ZNF442: variants seen among roughly 807,000 people sequenced by gnomAD.
ZNF442 encodes zinc finger protein 442.
In ZNF442, 45 loss-of-function variants were observed where a neutral mutation model predicts 57.0. The ratio of observed to expected loss-of-function variants is 0.79; its 90% CI spans 0.62 to 1.01. The LOEUF is 1.01. ZNF442 is among the 50% of genes least tolerant of loss of function. The pLI is 0.00. For synonymous variants in ZNF442, 213 were observed against 241.8 expected (o/e 0.88, Z 1.10); for missense variants, 690 against 756.5 (o/e 0.91, Z 1.03).
rs992859692 is a variant in ZNF442 at position 12,347,862 on chromosome 19, T to G, written c.*1839A>C. 8 of 152,192 alleles carry G rather than the reference T, an allele frequency of 5.3e-5. No individual in the cohort carries two copies. The highest frequency in any genetic ancestry group is 5.2e-4 in the Admixed American group (8 of 15,278). 9.4% of individuals were successfully genotyped at this position (152,192 alleles called of 1,614,324 possible). On this transcript the variant is annotated 3_prime_UTR_variant, in exon 6 of 6. Transcript: ENST00000242804. ...TCATCTCTCCTTTCCTTAATCTTTCTATCCCAACACAAATAAGAGAGCATA... is the reference window on the plus strand; with the variant it reads ...TCATCTCTCCTTTCCTTAATCTTTCGATCCCAACACAAATAAGAGAGCATA...
Position 12,350,321 on chromosome 19 carries a change from CT to C in ZNF442, c.1263del (p.Gly422AspfsTer110), listed in dbSNP as rs779170967. 6.2e-7 allele frequency: 1 copy of C among 1,613,488 alleles called. No individual in the cohort carries two copies. Among genetic ancestry groups the C allele is most frequent in the Non-Finnish European group, 8.5e-7 (1 of 1,179,918 alleles). Reference sequence around the variant, plus strand: ...TCACCAGTATGAGTCCTTTCATGTCCTTGAAATACACTGGGATAAATGAAGG... The same window carrying C: ...TCACCAGTATGAGTCCTTTCATGTCCTGAAATACACTGGGATAAATGAAGG... ...GKAFIYPSVF[Q>X]GHERTHTGEK... On this transcript the variant is annotated frameshift_variant, in exon 6 of 6. Coordinates refer to ENST00000242804, the MANE Select transcript of ZNF442 (RefSeq NM_030824.3). LOFTEE classifies it high-confidence loss of function.
rs10419312 is a variant in ZNF442 at position 12,354,329 on chromosome 19, T to C, written c.79-1215A>G. ...GCTTCACCATCCCAATGCAAGAATT[T>C]TAAACTTTTTATTAGGTAATGTCAA... On this transcript the variant is annotated intron_variant, in intron 3 of 5. Transcript: ENST00000242804. Among the ~76,000 whole-genome samples, 1,208 of 152,284 alleles carry C rather than the reference T, an allele frequency of 7.9e-3. 11 individuals carry two copies. Among genetic ancestry groups the C allele is most frequent in the African/African-American group, 0.028 (1,152 of 41,552 alleles).
chr19:12,366,691 C>A (rs150640789), upstream of ZNF442, among the ~76,000 whole-genome samples: 747 of 152,226 alleles, frequency 4.9e-3, 15 homozygotes, highest in African/African-American at 0.017. Context: ...ACTGTAGTGG[C>A]TCAATCTTGG....
chr19:12,356,951 G>A (rs1969341266), intron 3 of ZNF442, among the ~76,000 whole-genome samples: 1 of 152,096 alleles, frequency 6.6e-6, no homozygotes, highest in Non-Finnish European at 1.5e-5. Flanking sequence ...GTCATGAAGT[G>A]TTAGCACTTA....
chr19:12,368,043 G>C (rs998115014), upstream of ZNF442, among the ~76,000 whole-genome samples: 3 of 152,128 alleles, frequency 2.0e-5, no homozygotes, highest in African/African-American at 7.2e-5. Context: ...CCGTCTATAG[G>C]CTCTCTGCAA....
Position 12,365,600 on chromosome 19 carries a change from G to A in ZNF442, c.-550C>T, listed in dbSNP as rs1338595850. ...CCCCGCTGCCAGCATAGGACTCAGC[G>A]TGACAGTGCCTGCCACTGACCTGCC... is the stretch of plus-strand genomic sequence containing the variant. On this transcript the variant is annotated 5_prime_UTR_variant, in exon 1 of 6. The change creates a new upstream start codon in the 5' untranslated region. Transcript: ENST00000242804. 2.9e-6 allele frequency: 1 copy of A among 343,524 alleles called. No homozygotes were observed. Among genetic ancestry groups the A allele is most frequent in the Non-Finnish European group, 5.6e-6 (1 of 178,360 alleles). 21.3% of individuals were successfully genotyped at this position (343,524 alleles called of 1,614,324 possible). A position where few individuals can be genotyped will look rare whatever the true frequency, so the allele number is the denominator to read the frequency against.
At chr19:12,372,786 T>A in the ZNF442 span, among the ~76,000 whole-genome samples, 1 of 152,214 alleles carries the variant, frequency 6.6e-6, no homozygotes, top group African/African-American at 2.4e-5. Context: ...GAGTTTTCTT[T>A]TTTTGGAGAT....
At chr19:12,364,036 TG>T (rs1969487284) in intron 2 of ZNF442, among the ~76,000 whole-genome samples, 1 of 152,010 alleles carries the variant, frequency 6.6e-6, no homozygotes, top group African/African-American at 2.4e-5. Context: ...TTTTTTTGTT[TG>T]TTTTTTTGTT....
In ZNF442 at chr19:12,349,586, T is replaced by G; in HGVS notation, c.*115A>C. The G allele has an allele frequency of 2.7e-6, 3 of 1,116,338 alleles. No homozygotes were observed. In the South Asian group the frequency reaches 5.0e-5, roughly 18 times the overall value. 69.2% of individuals were successfully genotyped at this position (1,116,338 alleles called of 1,614,324 possible). ...TGCATATGGTTAGGGGATAACCATATTCAAAAGAAACATCTTAAGGCTTTA... is the reference window on the plus strand; with the variant it reads ...TGCATATGGTTAGGGGATAACCATAGTCAAAAGAAACATCTTAAGGCTTTA... On this transcript the variant is annotated 3_prime_UTR_variant, in exon 6 of 6. Transcript: ENST00000242804.
chr19:12,362,885 G>GA (rs901065168), intron 3 of ZNF442, among the ~76,000 whole-genome samples: 1,476 of 135,046 alleles, frequency 0.011, 9 homozygotes, highest in African/African-American at 0.025. Flanking sequence ...TCTGCCTTGG[G>GA]AAAAAAAAAA....
At chr19:12,363,744 C>T (rs1969481075) in intron 2 of ZNF442, 73 bp from the exon 3 acceptor site, 7 of 936,672 alleles carry the variant, frequency 7.5e-6, no homozygotes, top group South Asian at 1.4e-5. Flanking sequence ...CAGAATATTC[C>T]TCCCATCCCA....
upstream of ZNF442, among the ~76,000 whole-genome samples, chr19:12,368,976 T>G (rs1184460093): frequency 6.6e-6 from 1 of 152,130 alleles, no homozygotes; most frequent in Non-Finnish European, 1.5e-5. Context: ...ATGAATTAAA[T>G]GCTCCAATCA....
At chr19:12,361,873 C>T (rs1969433785) in intron 3 of ZNF442, among the ~76,000 whole-genome samples, 1 of 152,184 alleles carries the variant, frequency 6.6e-6, no homozygotes, top group South Asian at 2.1e-4. Flanking sequence ...GAGCACGCCA[C>T]CACGCCTGAC....
upstream of ZNF442, among the ~76,000 whole-genome samples, chr19:12,369,162 G>C (rs1969561348): frequency 6.6e-6 from 1 of 152,026 alleles, no homozygotes. Flanking sequence ...GAAGGAGAAG[G>C]GGTCAGAGTC....
Position 12,349,991 on chromosome 19 carries a change from T to C in ZNF442, c.1594A>G (p.Lys532Glu). The change falls in exon 6 of 6, where the codon AAA becomes GAA. Residue 532 changes from lysine to glutamate, a missense_variant. Physicochemically the swap from Lys to Glu is moderately conservative, Grantham distance 56. Coordinates refer to ENST00000242804, the MANE Select transcript of ZNF442 (RefSeq NM_030824.3). Reference sequence around the variant, plus strand: ...CCAGTGTGAATCCTTTCATGGACTTTTAAGTTACCAAAATGACTGAAGGCT... The same window carrying C: ...CCAGTGTGAATCCTTTCATGGACTTCTAAGTTACCAAAATGACTGAAGGCT... ...KKAFSHFGNL[K>E]VHERIHTGEK... The C allele has an allele frequency of 6.2e-7, 1 of 1,614,070 alleles. No individual in the cohort carries two copies. The highest frequency in any genetic ancestry group is 8.5e-7 in the Non-Finnish European group (1 of 1,179,986).
chr19:12,357,308 C>T (rs1444568863), intron 3 of ZNF442, among the ~76,000 whole-genome samples: 1 of 150,754 alleles, frequency 6.6e-6, no homozygotes, highest in East Asian at 1.9e-4. Context: ...GAGGACTTAA[C>T]ACAGATTATT....
intron 3 of ZNF442, among the ~76,000 whole-genome samples, chr19:12,355,697 G>A (rs936020379): frequency 1.3e-5 from 2 of 151,260 alleles, no homozygotes; most frequent in African/African-American, 4.8e-5. Context: ...GCCGGGCACG[G>A]TGGCTCACAC....
intron 3 of ZNF442, among the ~76,000 whole-genome samples, chr19:12,360,505 C>A (rs1969406434): frequency 6.6e-6 from 1 of 152,274 alleles, no homozygotes; most frequent in Admixed American, 6.5e-5. Context: ...CCACCCCACT[C>A]ACTTCCTCCC....
In ZNF442 at chr19:12,347,723, T is replaced by G. The variant is rs774322716; in HGVS notation, c.*1978A>C. 2.0e-5 allele frequency: 3 copies of G among 152,182 alleles called. No homozygotes were observed. The highest frequency in any genetic ancestry group is 2.1e-4 in the South Asian group (1 of 4,830). 9.4% of individuals were successfully genotyped at this position (152,182 alleles called of 1,614,324 possible). A position where few individuals can be genotyped will look rare whatever the true frequency, so the allele number is the denominator to read the frequency against. ...TTTGTTTCAAAGCACACTTCTCCAC[T>G]GGGCCCTTTAAAAAAGCCTCAGGCT... On this transcript the variant is annotated 3_prime_UTR_variant, in exon 6 of 6. Coordinates refer to ENST00000242804, the MANE Select transcript of ZNF442 (RefSeq NM_030824.3).
Sources: allele counts gnomAD v4.1 joint callset (sites outside exome capture counted in the v4.1 genomes callset), GRCh38; gene constraint gnomAD v4.1.1; transcripts MANE v1.5; gene names NCBI Gene and HGNC (gene_info 2026-07-23, HGNC 2026-07-21).